The following NKD1 variants were observed in gnomAD, a reference collection of about 807,000 sequenced individuals.
The protein encoded by NKD1 is protein naked cuticle homolog 1.
In NKD1, 21 loss-of-function variants were observed where a neutral mutation model predicts 56.0. The ratio of observed to expected loss-of-function variants is 0.38; its 90% CI spans 0.27 to 0.54. The LOEUF (loss-of-function observed/expected upper bound fraction) is 0.54. Among genes scored for constraint, NKD1 ranks in the 20% least tolerant of loss-of-function variants. The pLI is 0.82. For synonymous variants in NKD1, 263 were observed against 265.7 expected (o/e 0.99, Z 0.10); for missense variants, 578 against 642.7 (o/e 0.90, Z 1.09).
intron 3 of NKD1, among the ~76,000 whole-genome samples, chr16:50,596,133 G>T (rs984977391): frequency 1.3e-5 from 2 of 152,238 alleles, no homozygotes; most frequent in Non-Finnish European, 2.9e-5. Flanking sequence ...AAGCAGGCAT[G>T]GGTGTGGCTG....
intron 6 of NKD1, among the ~76,000 whole-genome samples, chr16:50,625,831 G>C (rs895360186): frequency 2.9e-5 from 3 of 104,342 alleles, no homozygotes; most frequent in African/African-American, 9.1e-5. Flanking sequence ...GTCCCTCCCG[G>C]GAAAGAAGTT....
chr16:50,580,198 G>A lies in NKD1; in HGVS notation c.193-28096G>A, dbSNP rs1316824581. ...GGCTTTCTGTTTTTAGTTTTGATTT[G>A]AGAATGAATTCTATTTCTGAAAAGG... On this transcript the variant is annotated intron_variant, in intron 3 of 9. Coordinates refer to ENST00000268459, the MANE Select transcript of NKD1 (RefSeq NM_033119.5). Among the ~76,000 whole-genome samples, 5 of 152,244 alleles carry A rather than the reference G, an allele frequency of 3.3e-5. No individual in the cohort carries two copies. The East Asian group carries it at 9.6e-4, about 29-fold the overall frequency.
intron 3 of NKD1, among the ~76,000 whole-genome samples, chr16:50,586,119 C>A (rs917503587): frequency 7.9e-5 from 12 of 152,122 alleles, no homozygotes; most frequent in African/African-American, 2.7e-4. Flanking sequence ...AGACTCTGAC[C>A]CTCAGCCCTG....
Position 50,639,913 on chromosome 16 carries a change from T to C in NKD1, c.*6132T>C, listed in dbSNP as rs1368886727. 6.6e-6 allele frequency: 1 copy of C among 152,204 alleles called. No individual in the cohort carries two copies. Among genetic ancestry groups the C allele is most frequent in the African/African-American group, 2.4e-5 (1 of 41,446 alleles). The allele number at this position is 152,204 out of a possible 1,614,324, so 9.4% of individuals were successfully genotyped here. ...CTCTTCCCAGTCTTCCCACTTTGCT[T>C]GGGGGTCCTTGGTCAAGGCCAGCTT... is the stretch of plus-strand genomic sequence containing the variant. On this transcript the variant is annotated 3_prime_UTR_variant, in exon 10 of 10. Transcript: ENST00000268459.
chr16:50,584,200 G>A (rs1961178940), intron 3 of NKD1, among the ~76,000 whole-genome samples: 1 of 152,200 alleles, frequency 6.6e-6, no homozygotes, highest in African/African-American at 2.4e-5. Flanking sequence ...GCCTCTCCTT[G>A]TTGTGTATGT....
chr16:50,621,090 G>A (rs1962076027), intron 4 of NKD1, among the ~76,000 whole-genome samples: 1 of 152,278 alleles, frequency 6.6e-6, no homozygotes, highest in Admixed American at 6.5e-5. Flanking sequence ...CGGTGCATGT[G>A]TGCACTTCTT....
At chr16:50,613,918 G>GA (rs1286823023) in intron 4 of NKD1, among the ~76,000 whole-genome samples, 2 of 151,952 alleles carry the variant, frequency 1.3e-5, no homozygotes, top group Non-Finnish European at 2.9e-5. Context: ...CTCTGATGAG[G>GA]AAAAAAAGGC....
intron 3 of NKD1, among the ~76,000 whole-genome samples, chr16:50,601,994 T>C (rs1419697822): frequency 6.6e-6 from 1 of 152,240 alleles, no homozygotes; most frequent in African/African-American, 2.4e-5. Flanking sequence ...CCATGCCCTC[T>C]TTCCATCTCT....
rs1218981859 is a variant in NKD1 at position 50,635,025 on chromosome 16, C to A, written c.*1244C>A. The stretch of plus-strand genomic sequence containing the variant: ...AGAACCAGTCAGCTAGCCAGGGTCT[C>A]AGAGAAAAGCAGATTACACACTCAA... On this transcript the variant is annotated 3_prime_UTR_variant, in exon 10 of 10. Coordinates refer to ENST00000268459, the MANE Select transcript of NKD1 (RefSeq NM_033119.5). This position sits in a 1 kb window ranked among gnomAD's most constrained non-coding sequence, Gnocchi z 4.1. 2.0e-5 allele frequency: 3 copies of A among 152,174 alleles called. No individual in the cohort carries two copies. The highest frequency in any genetic ancestry group is 7.2e-5 in the African/African-American group (3 of 41,422). The allele number at this position is 152,174 out of a possible 1,614,324, so 9.4% of individuals were successfully genotyped here.
intron 3 of NKD1, chr16:50,606,989 A>G (rs1451093970): frequency 4.4e-6 from 2 of 456,966 alleles, no homozygotes; most frequent in Admixed American, 2.3e-5. Flanking sequence ...ACAAACAGCC[A>G]GTTTACAAGC....
intron 3 of NKD1, among the ~76,000 whole-genome samples, chr16:50,565,031 T>A (rs1320963460): frequency 2.0e-5 from 3 of 152,116 alleles, no homozygotes; most frequent in Non-Finnish European, 4.4e-5. Flanking sequence ...CAGGAAGCAT[T>A]GGTATTTGCA....
chr16:50,625,944 G>C (rs948185737), intron 6 of NKD1, among the ~76,000 whole-genome samples: 2 of 152,250 alleles, frequency 1.3e-5, no homozygotes, highest in African/African-American at 4.8e-5. Context: ...AGAGCTCTAG[G>C]GGTGGGGCTG....
chr16:50,554,443 A>T (rs1041468513), intron 3 of NKD1, among the ~76,000 whole-genome samples: 1 of 152,108 alleles, frequency 6.6e-6, no homozygotes, highest in East Asian at 1.9e-4. Flanking sequence ...ATGAAGATAG[A>T]TTAGGTCACC....
Position 50,640,561 on chromosome 16 carries a change from C to G in NKD1, c.*6780C>G, listed in dbSNP as rs1348873104. On this transcript the variant is annotated 3_prime_UTR_variant, in exon 10 of 10. Transcript: ENST00000268459. ...AGATAGCTGCTTCCTTAGGGCATGG[C>G]ATGTAGTGGGTGGTTAATGAATGGA... 4.6e-5 allele frequency: 7 copies of G among 152,090 alleles called. No homozygotes were observed. The highest frequency in any genetic ancestry group is 8.8e-5 in the Non-Finnish European group (6 of 68,018). The allele number at this position is 152,090 out of a possible 1,614,324, so 9.4% of individuals were successfully genotyped here.
chr16:50,549,607 A>G, intron 3 of NKD1, 52 bp downstream of exon 3: 1 of 1,495,196 alleles, frequency 6.7e-7, no homozygotes. Context: ...AGCCTCAGAG[A>G]TGGGTCCCCA....
rs138964473 is a variant in NKD1, at chr16:50,598,262, T to TGTGTGTGTGTGTGTGC, written c.193-10031_193-10030insTGTGTGTGTGTGTGCG. 4.0e-5 allele frequency among the ~76,000 whole-genome samples: 6 copies of TGTGTGTGTGTGTGTGC among 148,572 alleles called. No individual in the cohort carries two copies. Among genetic ancestry groups the TGTGTGTGTGTGTGTGC allele is most frequent in the African/African-American group, 1.5e-4 (6 of 39,058 alleles). Reference sequence around the variant, plus strand: ...GTGTGTGTGTGTGTGTGTGTGTGTGTGCGCGCACACCTGTGCTCATGGACA... The same window carrying TGTGTGTGTGTGTGTGC: ...GTGTGTGTGTGTGTGTGTGTGTGTGTGTGTGTGTGTGTGTGCGCGCGCACACCTGTGCTCATGGACA... On this transcript the variant is annotated intron_variant, in intron 3 of 9. Transcript: ENST00000268459. This position sits in a 1 kb window ranked among gnomAD's most constrained non-coding sequence, Gnocchi z 4.2.
At chr16:50,561,257 ATGC>A (rs1315276770) in intron 3 of NKD1, among the ~76,000 whole-genome samples, 5 of 152,170 alleles carry the variant, frequency 3.3e-5, no homozygotes, top group Admixed American at 6.5e-5. Flanking sequence ...GTTGGACACA[ATGC>A]TGCGCTGGGA....
chr16:50,575,269 A>C, intron 3 of NKD1: 1 of 985,440 alleles, frequency 1.0e-6, no homozygotes, highest in Non-Finnish European at 1.2e-6. Context: ...TAACGTTGGC[A>C]CTAAAAGATT....
chr16:50,606,637 A>G (rs946773477), intron 3 of NKD1: 1 of 390,574 alleles, frequency 2.6e-6, no homozygotes, highest in African/African-American at 2.1e-5. Flanking sequence ...TGGAGTCTTT[A>G]AACTCTTCCA....
Sources: allele counts gnomAD v4.1 joint callset (sites outside exome capture counted in the v4.1 genomes callset), GRCh38; gene constraint gnomAD v4.1.1; non-coding constraint Gnocchi (gnomAD v3.1); transcripts MANE v1.5; gene names NCBI Gene and HGNC (gene_info 2026-07-23, HGNC 2026-07-21).